LRBA: variants seen among roughly 807,000 people sequenced by gnomAD.
LRBA encodes the protein LPS responsive beige-like anchor protein, also known as lipopolysaccharide-responsive and beige-like anchor protein.
In LRBA, 176 loss-of-function variants were observed where a neutral mutation model predicts 330.0. The observed-to-expected ratio is 0.53, with a 90% CI of 0.47 to 0.60. The LOEUF is 0.60. LRBA is among the 20% of genes least tolerant of loss of function. LRBA has a pLI of 0.00. For missense variants in LRBA, 3,259 were observed against 3,444.8 expected (o/e 0.95, Z 1.35); for synonymous variants, 1,230 against 1,193.0 (o/e 1.03, Z -0.64).
intron 2 of LRBA, among the ~76,000 whole-genome samples, chr4:150,990,276 TTAGAA>T (rs1197017576): frequency 6.6e-6 from 1 of 152,144 alleles, no homozygotes; most frequent in Non-Finnish European, 1.5e-5. Context: ...AACATACAAC[TTAGAA>T]TAGATTAAGA....
intron 40 of LRBA, among the ~76,000 whole-genome samples, chr4:150,560,520 C>G (rs1444917449): frequency 6.6e-6 from 1 of 152,130 alleles, no homozygotes; most frequent in Non-Finnish European, 1.5e-5. Flanking sequence ...AAACTGACCT[C>G]TAACTATACT....
At chr4:150,448,433 C>T (rs1024589725) in intron 44 of LRBA, among the ~76,000 whole-genome samples, 2 of 152,080 alleles carry the variant, frequency 1.3e-5, no homozygotes, top group Non-Finnish European at 2.9e-5. Flanking sequence ...AGTTACAGGC[C>T]TCTTCAACGA....
At chr4:150,596,879 T>C (rs899226895) in intron 38 of LRBA, among the ~76,000 whole-genome samples, 1 of 151,488 alleles carries the variant, frequency 6.6e-6, no homozygotes. Context: ...AAAATAAATA[T>C]GAGGTAGGAT....
chr4:150,798,194 T>C, intron 33 of LRBA, 52 bp from the exon 34 acceptor site: 1 of 1,130,446 alleles, frequency 8.8e-7, no homozygotes, highest in Non-Finnish European at 1.3e-6. Context: ...CAAATGAGGA[T>C]TTGTTACAAT....
intron 13 of LRBA, among the ~76,000 whole-genome samples, chr4:150,904,371 C>T (rs931424298): frequency 3.3e-5 from 5 of 152,100 alleles, no homozygotes; most frequent in African/African-American, 2.4e-5. Context: ...AGATAAAACC[C>T]CTTGTGGATA....
chr4:150,436,910 T>A (rs1751188922), intron 44 of LRBA, 46 bp from the exon 45 acceptor site: 1 of 1,558,408 alleles, frequency 6.4e-7, no homozygotes, highest in Admixed American at 1.7e-5. Context: ...AATGTAATCA[T>A]CCTTCATGTC....
chr4:150,570,733 G>A (rs975740133), intron 40 of LRBA, among the ~76,000 whole-genome samples: 16 of 152,090 alleles, frequency 1.1e-4, no homozygotes, highest in African/African-American at 7.2e-5. Flanking sequence ...GCAGTGCAAT[G>A]TAGGTGCCCA....
chr4:150,832,509 T>C (rs1224781754), intron 28 of LRBA, among the ~76,000 whole-genome samples: 2 of 152,136 alleles, frequency 1.3e-5, no homozygotes, highest in African/African-American at 4.8e-5. Context: ...GGTGGGAGAA[T>C]GGCTTGAACC....
intron 47 of LRBA, among the ~76,000 whole-genome samples, chr4:150,378,310 A>G (rs1299997463): frequency 6.6e-6 from 1 of 152,190 alleles, no homozygotes; most frequent in Non-Finnish European, 1.5e-5. Flanking sequence ...CTAGACAGCT[A>G]TCTCTAAAAG....
chr4:150,641,242 C>T (rs990263763), intron 37 of LRBA, among the ~76,000 whole-genome samples: 2 of 152,110 alleles, frequency 1.3e-5, no homozygotes, highest in Admixed American at 6.6e-5. Context: ...TCCTCAATAT[C>T]CTCAAAATGT....
At chr4:150,799,537 T>C (rs1032878372) in intron 33 of LRBA, among the ~76,000 whole-genome samples, 2 of 152,220 alleles carry the variant, frequency 1.3e-5, no homozygotes, top group Non-Finnish European at 2.9e-5. Context: ...ATTCAGATCT[T>C]TCTATTATTA....
chr4:150,614,928 G>A (rs900252111), intron 37 of LRBA, among the ~76,000 whole-genome samples: 1 of 152,184 alleles, frequency 6.6e-6, no homozygotes, highest in Non-Finnish European at 1.5e-5. Context: ...ATGACAATAA[G>A]TACCAAAGAC....
chr4:150,966,026 A>C (rs182492872), intron 2 of LRBA, among the ~76,000 whole-genome samples: 1 of 152,188 alleles, frequency 6.6e-6, no homozygotes, highest in Non-Finnish European at 1.5e-5. Flanking sequence ...ATACCATCCC[A>C]CAGGTACTGG....
rs146041446 is a variant in LRBA at position 150,635,902 on chromosome 4, C to T, written c.5922-36771G>A. Reference sequence around the variant, plus strand: ...TGGCAGAATAGTTCTATAGTCTTTCCTGAAATTTTAAGACACTGACATTTA... The same window carrying T: ...TGGCAGAATAGTTCTATAGTCTTTCTTGAAATTTTAAGACACTGACATTTA... On this transcript the variant is annotated intron_variant, in intron 37 of 56. Coordinates refer to ENST00000651943, the MANE Select transcript of LRBA (RefSeq NM_001364905.1). 2.2e-4 allele frequency among the ~76,000 whole-genome samples: 34 copies of T among 152,154 alleles called. 1 individual carries two copies. The East Asian group carries it at 6.6e-3, about 29-fold the overall frequency.
At chr4:150,934,387 A>G (rs1734844449) in intron 2 of LRBA, among the ~76,000 whole-genome samples, 1 of 152,156 alleles carries the variant, frequency 6.6e-6, no homozygotes. Context: ...CATCTGCAGA[A>G]AACAATCACA....
chr4:150,482,278 G>A (rs1052160178), intron 42 of LRBA, among the ~76,000 whole-genome samples: 3 of 151,952 alleles, frequency 2.0e-5, no homozygotes, highest in African/African-American at 7.3e-5. Flanking sequence ...CATATAAATG[G>A]AATCATACAA....
At chr4:150,534,154 CAT>C (rs1489906197) in intron 40 of LRBA, among the ~76,000 whole-genome samples, 1 of 151,660 alleles carries the variant, frequency 6.6e-6, no homozygotes, top group Non-Finnish European at 1.5e-5. Context: ...AAAATATACA[CAT>C]AGATAATATA....
chr4:150,590,178 G>A (rs1772630683), intron 39 of LRBA, among the ~76,000 whole-genome samples: 1 of 152,060 alleles, frequency 6.6e-6, no homozygotes, highest in Admixed American at 6.5e-5. Flanking sequence ...TTCCCATAAG[G>A]GATGTAAAAC....
chr4:151,011,187 A>T (rs1744800909), intron 2 of LRBA, among the ~76,000 whole-genome samples: 1 of 141,956 alleles, frequency 7.0e-6, no homozygotes, highest in Non-Finnish European at 1.5e-5. Flanking sequence ...ACTCTGTCTC[A>T]AAAAAAAAAA....
Sources: gnomAD v4.1 joint callset for allele counts (sites outside exome capture counted in the v4.1 genomes callset) on GRCh38, gnomAD v4.1.1 for gene constraint, MANE v1.5 for transcripts, NCBI Gene and HGNC (gene_info 2026-07-23, HGNC 2026-07-21) for gene names.